Variants in CHRNA9 observed in about 807,000 individuals in gnomAD.
The protein encoded by CHRNA9 is cholinergic receptor nicotinic alpha 9 subunit.
A neutral mutation model predicts 36.8 loss-of-function variants in CHRNA9; 24 were observed. The observed-to-expected ratio is 0.65, with a 90% CI of 0.47 to 0.92. CHRNA9 has a LOEUF of 0.92. Among genes scored for constraint, CHRNA9 ranks in the 40% least tolerant of loss-of-function variants. CHRNA9 has a pLI of 0.00. For synonymous variants in CHRNA9, 231 were observed against 231.8 expected (o/e 1.00, Z 0.03); for missense variants, 610 against 601.2 (o/e 1.01, Z -0.15).
chr4:40,335,723 G>C, intron 1 of CHRNA9, 104 bp from the exon 2 acceptor site: 4 of 1,210,094 alleles, frequency 3.3e-6, no homozygotes, highest in Non-Finnish European at 4.8e-6. Flanking sequence ...CTTGTCCCTC[G>C]CCAGTGTTGG....
intron 3 of CHRNA9, among the ~76,000 whole-genome samples, chr4:40,344,402 T>C (rs1466348980): frequency 2.0e-5 from 3 of 151,842 alleles, no homozygotes; most frequent in Non-Finnish European, 4.4e-5. Context: ...GATATGGTGG[T>C]GGGAGCCTGT....
intron 3 of CHRNA9, among the ~76,000 whole-genome samples, chr4:40,347,213 C>T (rs1712659497): frequency 6.6e-6 from 1 of 152,142 alleles, no homozygotes. Flanking sequence ...GTGCTTGTCA[C>T]CGAGTAGTGT....
Position 40,335,841 on chromosome 4 carries a change from GA to G in CHRNA9, c.80del (p.Asp27ValfsTer30). ...TTGTTGAGTAGCTGCAGAGACGGCA[GA>G]TGGAAAATATGCTCAGAAGTTGTTT... ...ASRLRAAETA[D>X]GKYAQKLFND... On this transcript the variant is annotated frameshift_variant, in exon 2 of 5. Coordinates refer to ENST00000310169, the MANE Select transcript of CHRNA9 (RefSeq NM_017581.4). LOFTEE classifies it high-confidence loss of function. 1 of 1,613,384 alleles carries G rather than the reference GA, an allele frequency of 6.2e-7. No homozygotes were observed. The highest frequency in any genetic ancestry group is 8.5e-7 in the Non-Finnish European group (1 of 1,179,434).
In CHRNA9 at chr4:40,335,861, G is replaced by A. The variant is rs561034737; in HGVS notation, c.99G>A (p.Lys33=). ...AETADGKYAQ[K]LFNDLFEDYS... ...CGGCAGATGGAAAATATGCTCAGAA[G>A]TTGTTTAATGACCTTTTTGAAGATT... Residue 33 remains lysine (K), a synonymous_variant, in exon 2 of 5, where the codon AAG becomes AAA. Coordinates refer to ENST00000310169, the MANE Select transcript of CHRNA9 (RefSeq NM_017581.4). 1.2e-6 allele frequency: 2 copies of A among 1,613,482 alleles called. No individual in the cohort carries two copies. Among genetic ancestry groups the A allele is most frequent in the Non-Finnish European group, 8.5e-7 (1 of 1,179,390 alleles).
At chr4:40,338,091 A>G (rs1712378278) in intron 3 of CHRNA9, 1 of 152,160 alleles carries the variant, frequency 6.6e-6, no homozygotes, top group Non-Finnish European at 1.5e-5. Context: ...TCACCATCCA[A>G]GATCATGTAT....
intron 3 of CHRNA9, among the ~76,000 whole-genome samples, chr4:40,342,120 T>C (rs915403376): frequency 2.0e-5 from 3 of 152,198 alleles, no homozygotes; most frequent in Non-Finnish European, 2.9e-5. Flanking sequence ...GGTGCCCTAT[T>C]GTATTCAAAA....
chr4:40,352,571 T>TTC (rs907212515), intron 4 of CHRNA9, among the ~76,000 whole-genome samples: 1 of 151,950 alleles, frequency 6.6e-6, no homozygotes, highest in Non-Finnish European at 1.5e-5. Flanking sequence ...CTTTTCCATC[T>TTC]TCTCTCTCTC....
intron 3 of CHRNA9, among the ~76,000 whole-genome samples, chr4:40,340,562 G>C (rs1334090561): frequency 6.6e-6 from 1 of 152,208 alleles, no homozygotes; most frequent in Non-Finnish European, 1.5e-5. Flanking sequence ...TCTGATGCCA[G>C]ATACAATATC....
intron 3 of CHRNA9, among the ~76,000 whole-genome samples, chr4:40,345,779 C>A (rs1335994500): frequency 6.6e-6 from 1 of 152,146 alleles, no homozygotes; most frequent in Non-Finnish European, 1.5e-5. Flanking sequence ...AATCCCAGCA[C>A]TCTGGGAGGC....
chr4:40,352,477 G>A (rs567203292), intron 4 of CHRNA9, among the ~76,000 whole-genome samples: 2 of 151,954 alleles, frequency 1.3e-5, no homozygotes, highest in East Asian at 1.9e-4. Flanking sequence ...CACCCACCTC[G>A]GCCTCCCAAA....
Position 40,354,020 on chromosome 4 carries a change from A to G in CHRNA9, c.940A>G (p.Thr314Ala). 6.2e-7 allele frequency: 1 copy of G among 1,613,560 alleles called. No individual in the cohort carries two copies. The highest frequency in any genetic ancestry group is 8.5e-7 in the Non-Finnish European group (1 of 1,179,594). ...CACGATGGCCCTGATCACAGCCTCC[A>G]CTGCGTTGACCATCATGGTGATGAA... ...IATMALITAS[T>A]ALTIMVMNIH... The change falls in exon 5 of 5, where the codon ACT becomes GCT. Residue 314 changes from threonine to alanine, a missense_variant. Physicochemically the swap from Thr to Ala is moderately conservative, Grantham distance 58. Coordinates refer to ENST00000310169, the MANE Select transcript of CHRNA9 (RefSeq NM_017581.4).
At chr4:40,339,106 G>A (rs556886806) in intron 3 of CHRNA9, among the ~76,000 whole-genome samples, 17 of 149,504 alleles carry the variant, frequency 1.1e-4, no homozygotes, top group African/African-American at 2.2e-4. Context: ...GGTGAAATCC[G>A]GTCTTTATTA....
intron 3 of CHRNA9, among the ~76,000 whole-genome samples, chr4:40,345,142 T>C (rs1712601479): frequency 6.6e-6 from 1 of 152,148 alleles, no homozygotes; most frequent in African/African-American, 2.4e-5. Flanking sequence ...AACACTAAAC[T>C]GCGGAGGTGC....
chr4:40,348,602 A>G (rs1357077113), intron 3 of CHRNA9, among the ~76,000 whole-genome samples: 1 of 152,218 alleles, frequency 6.6e-6, no homozygotes, highest in African/African-American at 2.4e-5. Context: ...TCAAATCATT[A>G]CACCTGGACC....
intron 3 of CHRNA9, among the ~76,000 whole-genome samples, chr4:40,348,535 T>C (rs909699794): frequency 6.6e-6 from 1 of 152,138 alleles, no homozygotes; most frequent in African/African-American, 2.4e-5. Flanking sequence ...GTGCCTAAAG[T>C]TAACAAATCA....
At position 40,354,014 on chromosome 4, in the gene CHRNA9, G is replaced by A. The variant is rs56210055; in HGVS notation, c.934G>A (p.Ala312Thr). The A allele has an allele frequency of 5.8e-3, 9,326 of 1,611,654 alleles. 254 individuals are homozygous for A. In the African/African-American group the frequency reaches 0.071, roughly 12 times the overall value. ...YYIATMALIT[A>T]STALTIMVMN... is the part of the protein sequence containing the mutation. ...CATAGCCACGATGGCCCTGATCACAGCCTCCACTGCGTTGACCATCATGGT... is the reference window on the plus strand; with the variant it reads ...CATAGCCACGATGGCCCTGATCACAACCTCCACTGCGTTGACCATCATGGT... The change falls in exon 5 of 5, where the codon GCC (alanine) becomes ACC (threonine). Residue 312 changes from alanine (A) to threonine (T), a missense_variant. Ala to Thr is a moderately conservative substitution (Grantham distance 58). Transcript: ENST00000310169.
Position 40,335,520 on chromosome 4 carries a change from C to T in CHRNA9, c.53C>T (p.Ser18Phe). 1.2e-6 allele frequency: 2 copies of T among 1,612,578 alleles called. No homozygotes were observed. Among genetic ancestry groups the T allele is most frequent in the Non-Finnish European group, 1.7e-6 (2 of 1,178,522 alleles). The change falls in exon 1 of 5, where the codon TCC becomes TTC. Residue 18 changes from serine to phenylalanine, a missense_variant. Transcript: ENST00000310169. ...TTTTGCTGGATCTACTTTGCTGCTT[C>T]CAGACTGAGAGGTGAGAGGCTGGTG... Reference protein sequence around the residue: ...ISFCWIYFAASRLRAAETADG... With the variant: ...ISFCWIYFAAFRLRAAETADG...
At chr4:40,353,877 A>G (rs1712870235) in intron 4 of CHRNA9, 102 bp from the exon 5 acceptor site, 1 of 1,082,714 alleles carries the variant, frequency 9.2e-7, no homozygotes, top group Non-Finnish European at 1.3e-6. Flanking sequence ...TCACCTAATG[A>G]CTAATACCTT....
chr4:40,345,651 G>A (rs908544983), intron 3 of CHRNA9, among the ~76,000 whole-genome samples: 2 of 152,070 alleles, frequency 1.3e-5, no homozygotes, highest in South Asian at 4.2e-4. Context: ...GGCGGAGGTT[G>A]CAGTGAACCA....
Sources: allele counts gnomAD v4.1 joint callset (sites outside exome capture counted in the v4.1 genomes callset), GRCh38; gene constraint gnomAD v4.1.1; transcripts MANE v1.5; gene names NCBI Gene and HGNC (gene_info 2026-07-23, HGNC 2026-07-21).